The following SYT16 variants were observed in gnomAD, a reference collection of about 807,000 sequenced individuals.
SYT16 encodes the protein synaptotagmin 16.
Under a neutral mutation model 61.4 loss-of-function variants are expected in SYT16, and 42 were observed. The observed-to-expected ratio is 0.68, with a 90% CI of 0.53 to 0.89. The LOEUF (loss-of-function observed/expected upper bound fraction) is 0.89, where lower values mean the gene tolerates loss of function less well. Among genes scored for constraint, SYT16 ranks in the 40% least tolerant of loss-of-function variants. The probability of loss-of-function intolerance (pLI) is 0.00; values close to 1 mark genes in which losing one functional copy is unlikely to be tolerated. For synonymous variants in SYT16, 314 were observed against 302.3 expected (o/e 1.04, Z -0.40); for missense variants, 804 against 807.3 (o/e 1.00, Z 0.05).
In SYT16 at chr14:61,996,238, CAAT is replaced by C; in HGVS notation, c.220_222del (p.Asn74del). ...CGTACTTTGAAGATGAAGAACAAGA[CAAT>C]GATTGGAGTCAAGAGGATGCAAATT... On this transcript the variant is annotated inframe_deletion, in exon 3 of 8. Coordinates refer to ENST00000683842, the MANE Select transcript of SYT16 (RefSeq NM_001367656.1). 1 of 1,613,616 alleles carries C rather than the reference CAAT, an allele frequency of 6.2e-7. No individual in the cohort carries two copies. The highest frequency in any genetic ancestry group is 8.5e-7 in the Non-Finnish European group (1 of 1,179,650).
chr14:62,090,657 C>T (rs143361587), intron 7 of SYT16, among the ~76,000 whole-genome samples: 85 of 152,208 alleles, frequency 5.6e-4, no homozygotes, highest in African/African-American at 2.0e-3. Context: ...TTTTCTACAT[C>T]AACTCTAATT....
At chr14:62,069,953 C>A (rs947902577) in intron 4 of SYT16, 138 bp downstream of exon 4, 2 of 1,016,728 alleles carry the variant, frequency 2.0e-6, no homozygotes, top group Non-Finnish European at 2.8e-6. Flanking sequence ...TTACGTGGAG[C>A]AAAGGGGCTG....
intron 4 of SYT16, among the ~76,000 whole-genome samples, chr14:62,073,516 G>A (rs971111169): frequency 6.6e-6 from 1 of 152,168 alleles, no homozygotes; most frequent in African/African-American, 2.4e-5. Context: ...ATAACCGAAA[G>A]TCTGGATGTA....
At chr14:62,073,393 G>T (rs1296136485) in intron 4 of SYT16, among the ~76,000 whole-genome samples, 1 of 152,076 alleles carries the variant, frequency 6.6e-6, no homozygotes, top group East Asian at 1.9e-4. Context: ...GTGAGGAATG[G>T]GTGTGCTAAT....
intron 1 of SYT16, among the ~76,000 whole-genome samples, chr14:61,863,142 G>GA (rs2047016597): frequency 6.6e-6 from 1 of 152,188 alleles, no homozygotes; most frequent in Non-Finnish European, 1.5e-5. Flanking sequence ...ATCCTAAGGA[G>GA]AATGACTGCT....
At chr14:61,868,382 A>G (rs550284129) in intron 1 of SYT16, among the ~76,000 whole-genome samples, 2 of 151,964 alleles carry the variant, frequency 1.3e-5, no homozygotes, top group Admixed American at 1.3e-4. Context: ...TCATCTGCTT[A>G]CTTTGTTATA....
chr14:62,009,292 A>G (rs2053349094), intron 3 of SYT16, among the ~76,000 whole-genome samples: 1 of 152,222 alleles, frequency 6.6e-6, no homozygotes, highest in Non-Finnish European at 1.5e-5. Flanking sequence ...ACTTGTCCAG[A>G]AAGATACATC....
chr14:61,868,672 G>A (rs1346210079), intron 1 of SYT16, among the ~76,000 whole-genome samples: 1 of 151,974 alleles, frequency 6.6e-6, no homozygotes, highest in East Asian at 1.9e-4. Flanking sequence ...ACATTTGTAT[G>A]AGATGATTCC....
chr14:61,821,801 AT>A (rs2045627559), intron 1 of SYT16, among the ~76,000 whole-genome samples: 1 of 152,202 alleles, frequency 6.6e-6, no homozygotes, highest in African/African-American at 2.4e-5. Context: ...GATGAGGATA[AT>A]CATAAACCAT....
At chr14:62,091,056 G>T (rs1443423211) in intron 7 of SYT16, among the ~76,000 whole-genome samples, 1 of 152,120 alleles carries the variant, frequency 6.6e-6, no homozygotes, top group Admixed American at 6.5e-5. Flanking sequence ...TTCAAGATGA[G>T]ATTTGGCTGG....
intron 2 of SYT16, among the ~76,000 whole-genome samples, chr14:61,980,286 G>C (rs1453616312): frequency 6.6e-6 from 1 of 152,124 alleles, no homozygotes. Flanking sequence ...TGAAATTGCT[G>C]TTTTTGTAGG....
chr14:61,865,344 C>A, intron 1 of SYT16: 1 of 681,620 alleles, frequency 1.5e-6, no homozygotes. Flanking sequence ...GAGAAGCAGT[C>A]CGGAAAGGGA....
chr14:61,957,932 G>A (rs1228989867), intron 1 of SYT16, among the ~76,000 whole-genome samples: 1 of 151,764 alleles, frequency 6.6e-6, no homozygotes, highest in Non-Finnish European at 1.5e-5. Flanking sequence ...TCCTGGGCTC[G>A]ACTTTGTTGG....
chr14:61,821,911 A>G (rs1057483610), intron 1 of SYT16, among the ~76,000 whole-genome samples: 2 of 152,210 alleles, frequency 1.3e-5, no homozygotes, highest in African/African-American at 2.4e-5. Flanking sequence ...AAGACTTTAG[A>G]TATCATTGGG....
chr14:62,089,077 G>T (rs1038078045), intron 7 of SYT16, among the ~76,000 whole-genome samples: 1 of 151,974 alleles, frequency 6.6e-6, no homozygotes, highest in Non-Finnish European at 1.5e-5. Flanking sequence ...CAGCACTTTG[G>T]GGGGCCCAGG....
At position 62,105,211 on chromosome 14, in the gene SYT16, G is replaced by A. The variant is rs2057493007; in HGVS notation, c.*4504G>A. 6.6e-6 allele frequency: 1 copy of A among 152,146 alleles called. No homozygotes were observed. The highest frequency in any genetic ancestry group is 2.4e-5 in the African/African-American group (1 of 41,446). 9.4% of individuals were successfully genotyped at this position (152,146 alleles called of 1,614,324 possible). ...GGAGTACAAATCCTTGATGGTTTGTGTGTACCTCTTGATCGATCACAAACA... is the reference window on the plus strand; with the variant it reads ...GGAGTACAAATCCTTGATGGTTTGTATGTACCTCTTGATCGATCACAAACA... On this transcript the variant is annotated 3_prime_UTR_variant, in exon 8 of 8. Coordinates refer to ENST00000683842, the MANE Select transcript of SYT16 (RefSeq NM_001367656.1).
chr14:61,812,687 G>A (rs1025167505), upstream of SYT16: 1 of 146,632 alleles, frequency 6.8e-6, no homozygotes, highest in African/African-American at 2.4e-5. Context: ...GAGGGGCTGT[G>A]CGCGGCGCGG....
chr14:62,046,100 C>T (rs1291644239), intron 3 of SYT16, among the ~76,000 whole-genome samples: 2 of 152,168 alleles, frequency 1.3e-5, no homozygotes, highest in Non-Finnish European at 2.9e-5. Flanking sequence ...TCTCCATATC[C>T]TCTCCAGCAC....
In SYT16 at chr14:62,100,941, A is replaced by G. The variant is rs1237293863; in HGVS notation, c.*234A>G. The G allele has an allele frequency of 2.8e-5, 13 of 470,520 alleles. No homozygotes were observed. Among genetic ancestry groups the G allele is most frequent in the Non-Finnish European group, 4.5e-5 (12 of 264,692 alleles). 29.1% of individuals were successfully genotyped at this position (470,520 alleles called of 1,614,324 possible). A position where few individuals can be genotyped will look rare whatever the true frequency, so the allele number is the denominator to read the frequency against. ...TCCGTATGGAAAATATTATACCACA[A>G]TTAAGACCACTGATGAGTTAATTTG... On this transcript the variant is annotated 3_prime_UTR_variant, in exon 8 of 8. Coordinates refer to ENST00000683842, the MANE Select transcript of SYT16 (RefSeq NM_001367656.1).
Sources: allele counts gnomAD v4.1 joint callset (sites outside exome capture counted in the v4.1 genomes callset), GRCh38; gene constraint gnomAD v4.1.1; transcripts MANE v1.5; gene names NCBI Gene and HGNC (gene_info 2026-07-23, HGNC 2026-07-21).